Variants in CADM2 observed in about 807,000 individuals in gnomAD.
The protein encoded by CADM2 is cell adhesion molecule 2.
In CADM2, 12 loss-of-function variants were observed where a neutral mutation model predicts 49.8. The ratio of observed to expected loss-of-function variants is 0.24; its 90% CI spans 0.15 to 0.39. CADM2 has a LOEUF of 0.39. Ranked by LOEUF, CADM2 falls within the 10% of genes least tolerant of loss-of-function variation. CADM2 has a pLI of 1.00. For synonymous variants in CADM2, 214 were observed against 175.4 expected, an observed-to-expected ratio of 1.22 and a Z score of -1.74; for missense variants, 378 against 492.3, an observed-to-expected ratio of 0.77 and a Z score of 2.20.
chr3:85,232,256 A>G (rs2042311067), intron 1 of CADM2, among the ~76,000 whole-genome samples: 1 of 152,002 alleles, frequency 6.6e-6, no homozygotes, highest in Non-Finnish European at 1.5e-5. Flanking sequence ...AGCTAGTTTT[A>G]AAACTGCCAG....
intron 2 of CADM2, among the ~76,000 whole-genome samples, chr3:85,765,526 A>T (rs2069612991): frequency 6.6e-6 from 1 of 151,976 alleles, no homozygotes; most frequent in Non-Finnish European, 1.5e-5. Flanking sequence ...TTTAATTCAG[A>T]TGTCATAGTA....
intron 1 of CADM2, among the ~76,000 whole-genome samples, chr3:85,501,631 A>G (rs1231627261): frequency 3.3e-5 from 5 of 152,158 alleles, no homozygotes; most frequent in Non-Finnish European, 7.4e-5. Context: ...CAATATATTT[A>G]TATCATAATT....
At chr3:85,458,293 G>A (rs758031107) in intron 1 of CADM2, among the ~76,000 whole-genome samples, 3 of 152,130 alleles carry the variant, frequency 2.0e-5, no homozygotes, top group Non-Finnish European at 2.9e-5. Flanking sequence ...GCACATAACA[G>A]GGATATTATA....
At chr3:85,188,706 T>C (rs1012514943) in intron 1 of CADM2, among the ~76,000 whole-genome samples, 1 of 152,104 alleles carries the variant, frequency 6.6e-6, no homozygotes, top group Non-Finnish European at 1.5e-5. Flanking sequence ...TGAAAATCCC[T>C]TGATATTATA....
intron 1 of CADM2, among the ~76,000 whole-genome samples, chr3:85,504,446 C>T (rs1387270644): frequency 6.6e-6 from 1 of 152,304 alleles, no homozygotes; most frequent in South Asian, 2.1e-4. Flanking sequence ...GTCACTGCTG[C>T]TCGGGCAGCC....
intron 1 of CADM2, among the ~76,000 whole-genome samples, chr3:85,355,130 C>T (rs577371341): frequency 2.6e-5 from 4 of 152,062 alleles, no homozygotes; most frequent in South Asian, 2.1e-4. Context: ...CAATCCAGGA[C>T]GGTGGTCAGT....
At chr3:85,169,395 T>G (rs1267766492) in intron 1 of CADM2, among the ~76,000 whole-genome samples, 8 of 152,210 alleles carry the variant, frequency 5.3e-5, no homozygotes. Context: ...AGAGTCCTCT[T>G]CTCAGTTTAA....
chr3:85,445,492 C>A (rs2037405955), intron 1 of CADM2, among the ~76,000 whole-genome samples: 1 of 151,872 alleles, frequency 6.6e-6, no homozygotes, highest in Non-Finnish European at 1.5e-5. Flanking sequence ...ATAATATGTA[C>A]ATTTATAAAT....
intron 1 of CADM2, among the ~76,000 whole-genome samples, chr3:85,027,405 C>T (rs1441046691): frequency 6.6e-6 from 1 of 151,752 alleles, no homozygotes; most frequent in Non-Finnish European, 1.5e-5. Context: ...GCCACCGCGC[C>T]CAGCCTATTA....
At chr3:85,603,000 AC>A (rs1230214336) in intron 1 of CADM2, among the ~76,000 whole-genome samples, 1 of 150,910 alleles carries the variant, frequency 6.6e-6, no homozygotes, top group African/African-American at 2.4e-5. Context: ...AGTTAAGCAA[AC>A]CCCCTATGTA....
chr3:85,932,060 T>C (rs1219174034), intron 6 of CADM2, among the ~76,000 whole-genome samples: 1 of 151,366 alleles, frequency 6.6e-6, no homozygotes, highest in East Asian at 1.9e-4. Flanking sequence ...GGGTTAAAAT[T>C]TTGACATAAA....
At chr3:85,747,621 G>A (rs2068670410) in intron 2 of CADM2, among the ~76,000 whole-genome samples, 1 of 152,050 alleles carries the variant, frequency 6.6e-6, no homozygotes, top group African/African-American at 2.4e-5. Flanking sequence ...ATGTTCTGGT[G>A]CCTTATAAAG....
intron 1 of CADM2, among the ~76,000 whole-genome samples, chr3:85,459,715 C>A (rs867168560): frequency 1.3e-5 from 2 of 152,244 alleles, no homozygotes; most frequent in South Asian, 4.2e-4. Flanking sequence ...ATTGCTGATT[C>A]ATTTTCAGTT....
At chr3:85,816,131 C>A (rs947087563) in intron 3 of CADM2, among the ~76,000 whole-genome samples, 5 of 151,052 alleles carry the variant, frequency 3.3e-5, no homozygotes, top group Non-Finnish European at 5.9e-5. Context: ...TTTTCCTGTT[C>A]TGTGTTTTTC....
chr3:85,783,049 A>G (rs1475802762), intron 2 of CADM2, among the ~76,000 whole-genome samples: 1 of 152,208 alleles, frequency 6.6e-6, no homozygotes, highest in Non-Finnish European at 1.5e-5. Flanking sequence ...GTACATAAAC[A>G]AAATGTAAAT....
chr3:85,874,650 G>A (rs1490352058), intron 3 of CADM2, among the ~76,000 whole-genome samples: 5 of 151,956 alleles, frequency 3.3e-5, no homozygotes, highest in Admixed American at 2.0e-4. Context: ...CTTGTTCTAC[G>A]GATCCAGGCC....
In CADM2 at chr3:85,810,449, T is replaced by C. The variant is rs569466440; in HGVS notation, c.238+8253T>C. Among the ~76,000 whole-genome samples, 69 of 152,228 alleles carry C rather than the reference T, an allele frequency of 4.5e-4. No individual in the cohort carries two copies. In the South Asian group the frequency reaches 0.014, roughly 31 times the overall value. ...TGAAAATCTTGGGTTATTTTATGCTTATGCTTGCAACTACCTTCAGTTGCA... is the reference window on the plus strand; with the variant it reads ...TGAAAATCTTGGGTTATTTTATGCTCATGCTTGCAACTACCTTCAGTTGCA... On this transcript the variant is annotated intron_variant, in intron 3 of 9. Transcript: ENST00000383699.
Position 85,337,767 on chromosome 3 carries a change from T to TA in CADM2, c.61+378102dup, listed in dbSNP as rs112152298. Among the ~76,000 whole-genome samples the TA allele has an allele frequency of 6.2e-3, 937 of 151,696 alleles. 7 individuals are homozygous for TA. The highest frequency in any genetic ancestry group is 0.021 in the African/African-American group (852 of 41,506). On this transcript the variant is annotated intron_variant, in intron 1 of 9. Coordinates refer to ENST00000383699, the MANE Select transcript of CADM2 (RefSeq NM_001167675.2). ...ATTTTGGGTATGCAGACCGGCATGC[T>TA]AAATGAGTATTTGTTTACTATAAAA...
intron 1 of CADM2, among the ~76,000 whole-genome samples, chr3:85,406,022 G>T (rs1185781562): frequency 2.0e-5 from 3 of 151,898 alleles, no homozygotes; most frequent in Non-Finnish European, 4.4e-5. Flanking sequence ...TATATATAGA[G>T]AAAAATTTTC....
Sources: allele counts gnomAD v4.1 joint callset (sites outside exome capture counted in the v4.1 genomes callset), GRCh38; gene constraint gnomAD v4.1.1; transcripts MANE v1.5; gene names NCBI Gene and HGNC (gene_info 2026-07-23, HGNC 2026-07-21).